SCARB1: variants seen among roughly 807,000 people sequenced by gnomAD.
SCARB1 encodes the protein CD36 and LIMPII analogous 1.
Under a neutral mutation model 57.2 loss-of-function variants are expected in SCARB1, and 30 were observed. The observed-to-expected ratio is 0.52, with a 90% CI of 0.39 to 0.71. The LOEUF (loss-of-function observed/expected upper bound fraction) is 0.71. SCARB1 is among the 30% of genes least tolerant of loss of function. The pLI, the probability that SCARB1 is intolerant of heterozygous loss-of-function variation, is 0.00. For synonymous variants in SCARB1, 249 were observed against 268.3 expected, an observed-to-expected ratio of 0.93 and a Z score of 0.70; for missense variants, 543 against 671.2, an observed-to-expected ratio of 0.81 and a Z score of 2.11.
chr12:124,842,265 G>C (rs1012101296), intron 1 of SCARB1, among the ~76,000 whole-genome samples: 2 of 152,218 alleles, frequency 1.3e-5, no homozygotes, highest in African/African-American at 4.8e-5. Flanking sequence ...CACCTGTCCA[G>C]GGGAAACAGG....
rs1953007049 is a variant in SCARB1, at chr12:124,863,842, T to G, written c.-122A>C. On this transcript the variant is annotated 5_prime_UTR_variant, in exon 1 of 13. Transcript: ENST00000261693. ...ACGCAGGCCGCAGAGGCACGGTGGA[T>G]CCGGGACGGCAGCGCACGCAGGAGC... 3 of 1,239,286 alleles carry G rather than the reference T, an allele frequency of 2.4e-6. No individual in the cohort carries two copies. The highest frequency in any genetic ancestry group is 8.1e-5 in the Admixed American group (2 of 24,652). 76.8% of individuals were successfully genotyped at this position (1,239,286 alleles called of 1,614,324 possible).
intron 9 of SCARB1, among the ~76,000 whole-genome samples, chr12:124,791,637 C>T (rs549666511): frequency 2.0e-5 from 3 of 152,252 alleles, no homozygotes; most frequent in African/African-American, 7.2e-5. Context: ...GGGGCGGTGA[C>T]GAAAGTCAGC....
chr12:124,823,198 T>G (rs910407561), intron 1 of SCARB1, among the ~76,000 whole-genome samples: 4 of 152,228 alleles, frequency 2.6e-5, no homozygotes, highest in Non-Finnish European at 5.9e-5. Flanking sequence ...CTATGTTCAC[T>G]GAAAAATGTA....
intron 1 of SCARB1, chr12:124,839,680 C>A (rs112589827): frequency 4.1e-6 from 4 of 979,814 alleles, no homozygotes; most frequent in Admixed American, 6.3e-5. Context: ...TTCTCCGCAC[C>A]CTCACCCCAA....
rs1182736773 is a variant in SCARB1, at chr12:124,822,016, C to G, written c.127-4309G>C. ...GTTGGGATAGAATGCCAAGGTGAGCCCTTGTTGGACGCCACTCCCTCCCAT... is the reference window on the plus strand; with the variant it reads ...GTTGGGATAGAATGCCAAGGTGAGCGCTTGTTGGACGCCACTCCCTCCCAT... On this transcript the variant is annotated intron_variant, in intron 1 of 12. Transcript: ENST00000261693. The surrounding 1 kb of genome is among the most constrained non-coding windows in gnomAD (Gnocchi z 5.0). 6.6e-6 allele frequency among the ~76,000 whole-genome samples: 1 copy of G among 152,092 alleles called. No homozygotes were observed. Among genetic ancestry groups the G allele is most frequent in the Non-Finnish European group, 1.5e-5 (1 of 68,000 alleles).
intron 1 of SCARB1, chr12:124,821,538 T>C (rs1950958169): frequency 2.0e-6 from 2 of 985,292 alleles, no homozygotes; most frequent in Non-Finnish European, 2.4e-6. Flanking sequence ...TTTCAGCCCA[T>C]TCATTCAGCA....
rs35902723 is a variant in SCARB1, at chr12:124,806,228, G to C, written c.1009+1533C>G. On this transcript the variant is annotated intron_variant, in intron 7 of 12. Coordinates refer to ENST00000261693, the MANE Select transcript of SCARB1 (RefSeq NM_005505.5). Reference sequence around the variant, plus strand: ...GGGGGTTGGGGTGGGGAGCAAGAGAGAGGAAGGAGTGAGGACTCAACCTGG... The same window carrying C: ...GGGGGTTGGGGTGGGGAGCAAGAGACAGGAAGGAGTGAGGACTCAACCTGG... Among the ~76,000 whole-genome samples, 15 of 152,190 alleles carry C rather than the reference G, an allele frequency of 9.9e-5. No individual in the cohort carries two copies. The East Asian group carries it at 2.9e-3, about 29-fold the overall frequency.
rs149977330 is a variant in SCARB1 at position 124,839,320 on chromosome 12, T to C, written c.127-21613A>G. ...ATGGAATCGTACGGTATTTGTCCTG[T>C]TGTGGCTTATTTCACTCGCATAACT... is the stretch of plus-strand genomic sequence containing the variant. On this transcript the variant is annotated intron_variant, in intron 1 of 12. Coordinates refer to ENST00000261693, the MANE Select transcript of SCARB1 (RefSeq NM_005505.5). 3.9e-3 allele frequency: 1,733 copies of C among 448,848 alleles called. 23 individuals are homozygous for C. The highest frequency in any genetic ancestry group is 0.032 in the African/African-American group (1,580 of 49,818). 27.8% of individuals were successfully genotyped at this position (448,848 alleles called of 1,614,324 possible).
chr12:124,827,891 C>T (rs1951226911), intron 1 of SCARB1, among the ~76,000 whole-genome samples: 1 of 152,132 alleles, frequency 6.6e-6, no homozygotes, highest in Non-Finnish European at 1.5e-5. Flanking sequence ...CCATCTGTAT[C>T]ACCTGCCTGG....
intron 1 of SCARB1, among the ~76,000 whole-genome samples, chr12:124,833,690 C>T (rs370914135): frequency 6.6e-6 from 1 of 152,136 alleles, no homozygotes; most frequent in African/African-American, 2.4e-5. Flanking sequence ...TGACATTTGC[C>T]CCGTGCACCC....
At chr12:124,793,421 G>A (rs1182450904) in intron 9 of SCARB1, among the ~76,000 whole-genome samples, 5 of 152 alleles carry the variant, frequency 0.033, no homozygotes, top group South Asian at 0.25. Flanking sequence ...GGGGCCGGGC[G>A]CGGTGCTCAC....
intron 1 of SCARB1, among the ~76,000 whole-genome samples, chr12:124,854,087 C>T (rs901533802): frequency 2.0e-5 from 3 of 152,182 alleles, no homozygotes; most frequent in African/African-American, 7.2e-5. Flanking sequence ...CAACATGATA[C>T]CCAGGGAAGT....
Position 124,810,693 on chromosome 12 carries a change from G to A in SCARB1, c.727-404C>T, listed in dbSNP as rs990772849. Among the ~76,000 whole-genome samples, 7 of 152,136 alleles carry A rather than the reference G, an allele frequency of 4.6e-5. No individual in the cohort carries two copies. The highest frequency in any genetic ancestry group is 1.0e-4 in the Non-Finnish European group (7 of 68,016). On this transcript the variant is annotated intron_variant, in intron 5 of 12. Coordinates refer to ENST00000261693, the MANE Select transcript of SCARB1 (RefSeq NM_005505.5). The surrounding 1 kb of genome is among the most constrained non-coding windows in gnomAD (Gnocchi z 4.0). ...CAAACTACTTAAAATCATAATGGTG[G>A]CCACCACCGGGCAACCCCAAAACAG...
chr12:124,857,451 G>A (rs528210704), intron 1 of SCARB1, among the ~76,000 whole-genome samples: 19 of 152,268 alleles, frequency 1.2e-4, no homozygotes, highest in Non-Finnish European at 2.1e-4. Context: ...CCCTGGTGCC[G>A]GGGCTCCCCA....
intron 11 of SCARB1, chr12:124,783,415 A>G (rs182747170): frequency 3.9e-4 from 60 of 152,896 alleles, no homozygotes; most frequent in African/African-American, 1.4e-3. Flanking sequence ...GAGAAATTAA[A>G]ATATGTTGAG....
At chr12:124,838,297 T>C (rs1390303163) in intron 1 of SCARB1, among the ~76,000 whole-genome samples, 1 of 151,912 alleles carries the variant, frequency 6.6e-6, no homozygotes, top group Non-Finnish European at 1.5e-5. Context: ...AGTCAGCCCC[T>C]CCCACCCCGG....
chr12:124,823,207 T>C (rs943223463), intron 1 of SCARB1, among the ~76,000 whole-genome samples: 3 of 152,222 alleles, frequency 2.0e-5, no homozygotes, highest in African/African-American at 7.2e-5. Flanking sequence ...CTGAAAAATG[T>C]ATGGTGTTAT....
At chr12:124,811,315 C>G (rs572318443) in intron 5 of SCARB1, among the ~76,000 whole-genome samples, 74 of 152,270 alleles carry the variant, frequency 4.9e-4, no homozygotes, top group Admixed American at 1.3e-3. Context: ...CTCTTCTCAC[C>G]CAGGCTGAAG....
chr12:124,831,471 C>T (rs1205768200), intron 1 of SCARB1, among the ~76,000 whole-genome samples: 1 of 152,098 alleles, frequency 6.6e-6, no homozygotes, highest in Non-Finnish European at 1.5e-5. Context: ...TTCAATACAC[C>T]CTCAAGTGGT....
Sources: gnomAD v4.1 joint callset for allele counts (sites outside exome capture counted in the v4.1 genomes callset) on GRCh38, gnomAD v4.1.1 for gene constraint, Gnocchi (gnomAD v3.1) non-coding constraint, MANE v1.5 for transcripts, NCBI Gene and HGNC (gene_info 2026-07-23, HGNC 2026-07-21) for gene names.